The following PLCXD3 variants were observed in gnomAD, a reference collection of about 807,000 sequenced individuals.
The protein encoded by PLCXD3 is PI-PLC X domain-containing protein 3.
Under a neutral mutation model 25.5 loss-of-function variants are expected in PLCXD3, and 19 were observed. The observed-to-expected ratio is 0.75, with a 90% CI of 0.52 to 1.09. The LOEUF (loss-of-function observed/expected upper bound fraction) is 1.09, where lower values mean the gene tolerates loss of function less well. Ranked by LOEUF, PLCXD3 falls within the 50% of genes least tolerant of loss-of-function variation. The pLI, the probability that PLCXD3 is intolerant of heterozygous loss-of-function variation, is 0.00. For synonymous variants in PLCXD3, 174 were observed against 137.6 expected, an observed-to-expected ratio of 1.26 and a Z score of -1.85; for missense variants, 411 against 388.1, an observed-to-expected ratio of 1.06 and a Z score of -0.50.
chr5:41,395,242 G>A (rs1193601900), intron 1 of PLCXD3, among the ~76,000 whole-genome samples: 3 of 151,940 alleles, frequency 2.0e-5, no homozygotes, highest in Non-Finnish European at 4.4e-5. Context: ...TCAATGAACA[G>A]GTTAGAAAGG....
At chr5:41,327,935 C>T (rs190019007) in intron 2 of PLCXD3, among the ~76,000 whole-genome samples, 7 of 152,066 alleles carry the variant, frequency 4.6e-5, no homozygotes, top group East Asian at 1.9e-4. Context: ...CCTCCCAAAG[C>T]GCTGGGATTA....
chr5:41,329,748 T>C (rs1743733937), intron 2 of PLCXD3, among the ~76,000 whole-genome samples: 1 of 150,750 alleles, frequency 6.6e-6, no homozygotes, highest in Admixed American at 6.6e-5. Context: ...ATCATCTTTA[T>C]AAGAGTAAAG....
intron 1 of PLCXD3, among the ~76,000 whole-genome samples, chr5:41,482,404 C>G (rs961827599): frequency 6.6e-6 from 1 of 152,140 alleles, no homozygotes; most frequent in Non-Finnish European, 1.5e-5. Context: ...AACGTACTTA[C>G]AAATCTAGGA....
intron 2 of PLCXD3, among the ~76,000 whole-genome samples, chr5:41,331,833 G>A (rs900001528): frequency 2.0e-4 from 30 of 152,202 alleles, no homozygotes; most frequent in African/African-American, 6.7e-4. Context: ...AGAAAAAAAA[G>A]CAATGGGGAA....
intron 1 of PLCXD3, among the ~76,000 whole-genome samples, chr5:41,429,330 G>A (rs1009519733): frequency 3.3e-5 from 5 of 152,068 alleles, no homozygotes; most frequent in Non-Finnish European, 7.4e-5. Flanking sequence ...CTGCTACTGG[G>A]GATGGGGGAA....
intron 1 of PLCXD3, among the ~76,000 whole-genome samples, chr5:41,504,458 C>T (rs183083113): frequency 6.6e-5 from 10 of 152,276 alleles, no homozygotes. Flanking sequence ...CAAAAAGATG[C>T]CTGGTTTTGG....
At chr5:41,411,579 T>C (rs1224876121) in intron 1 of PLCXD3, among the ~76,000 whole-genome samples, 1 of 152,148 alleles carries the variant, frequency 6.6e-6, no homozygotes, top group Admixed American at 6.5e-5. Context: ...CAAACTGGTT[T>C]CTAAAAACTA....
At chr5:41,389,772 A>C (rs1274361680) in intron 1 of PLCXD3, among the ~76,000 whole-genome samples, 1 of 152,202 alleles carries the variant, frequency 6.6e-6, no homozygotes, top group Non-Finnish European at 1.5e-5. Context: ...AAAAATATAC[A>C]CATCATATAT....
chr5:41,386,466 C>T (rs1396836105), intron 1 of PLCXD3, among the ~76,000 whole-genome samples: 1 of 152,038 alleles, frequency 6.6e-6, no homozygotes, highest in Non-Finnish European at 1.5e-5. Context: ...GGAAGATTGC[C>T]CCCAAAACAT....
At chr5:41,418,241 C>A (rs1055927703) in intron 1 of PLCXD3, among the ~76,000 whole-genome samples, 1 of 152,124 alleles carries the variant, frequency 6.6e-6, no homozygotes, top group South Asian at 2.1e-4. Context: ...AAAACACACA[C>A]ACACAAGTGC....
chr5:41,492,294 C>G (rs201762856), intron 1 of PLCXD3, among the ~76,000 whole-genome samples: 1 of 151,316 alleles, frequency 6.6e-6, no homozygotes, highest in African/African-American at 2.4e-5. Context: ...GAGTTTCTGC[C>G]GAGAGATCCG....
chr5:41,488,403 C>G (rs1162329140), intron 1 of PLCXD3, among the ~76,000 whole-genome samples: 8 of 126,878 alleles, frequency 6.3e-5, no homozygotes, highest in African/African-American at 6.6e-5. Context: ...GTGCATGTGT[C>G]TTTATAGCAG....
At chr5:41,334,685 C>G (rs16871219) in intron 2 of PLCXD3, among the ~76,000 whole-genome samples, 12,855 of 152,118 alleles carry the variant, frequency 0.085, 822 homozygotes, top group East Asian at 0.35. Context: ...AACAGCAGCC[C>G]TTATTTTTGT....
chr5:41,451,337 T>C (rs1747625796), intron 1 of PLCXD3, among the ~76,000 whole-genome samples: 1 of 152,014 alleles, frequency 6.6e-6, no homozygotes, highest in African/African-American at 2.4e-5. Flanking sequence ...TGTCATAAGA[T>C]GGTATTTGAG....
At chr5:41,441,317 G>A (rs1747379683) in intron 1 of PLCXD3, among the ~76,000 whole-genome samples, 1 of 152,158 alleles carries the variant, frequency 6.6e-6, no homozygotes, top group Non-Finnish European at 1.5e-5. Context: ...AATACTAACT[G>A]AGATGCGACT....
chr5:41,385,288 CT>C lies in PLCXD3; in HGVS notation c.104-2755del, dbSNP rs564544227. ...GACTTGGTATTCTTGGGCTTCTGAC[CT>C]TTTATTCTTCTCTCATCCACAGTCT... On this transcript the variant is annotated intron_variant, in intron 1 of 2. Coordinates refer to ENST00000377801, the MANE Select transcript of PLCXD3 (RefSeq NM_001005473.3). 1.7e-4 allele frequency among the ~76,000 whole-genome samples: 26 copies of C among 152,118 alleles called. No individual in the cohort carries two copies. In the South Asian group the frequency reaches 5.4e-3, roughly 32 times the overall value.
At chr5:41,502,681 C>G (rs1382119495) in intron 1 of PLCXD3, among the ~76,000 whole-genome samples, 3 of 152,096 alleles carry the variant, frequency 2.0e-5, no homozygotes, top group African/African-American at 7.2e-5. Context: ...AGTCCAGTCA[C>G]CCAAACCGCG....
At chr5:41,399,581 G>A (rs980269138) in intron 1 of PLCXD3, among the ~76,000 whole-genome samples, 42 of 152,078 alleles carry the variant, frequency 2.8e-4, no homozygotes, top group African/African-American at 9.6e-4. Flanking sequence ...GGTGCCATGA[G>A]CATACACTGG....
chr5:41,376,260 C>G (rs118075588), intron 2 of PLCXD3, among the ~76,000 whole-genome samples: 1 of 152,092 alleles, frequency 6.6e-6, no homozygotes, highest in South Asian at 2.1e-4. Flanking sequence ...GTCAGTAGGG[C>G]TGAAGTCAAA....
Sources: allele counts gnomAD v4.1 joint callset (sites outside exome capture counted in the v4.1 genomes callset), GRCh38; gene constraint gnomAD v4.1.1; transcripts MANE v1.5; gene names NCBI Gene and HGNC (gene_info 2026-07-23, HGNC 2026-07-21).